The following ENO2 variants were observed in gnomAD, a reference collection of about 807,000 sequenced individuals.
The protein encoded by ENO2 is enolase 2, also known as gamma-enolase.
In ENO2, 19 loss-of-function variants were observed where a neutral mutation model predicts 48.7. That is an observed-to-expected ratio of 0.39 (90% CI 0.27 to 0.57). The LOEUF is 0.57. ENO2 is among the 20% of genes least tolerant of loss of function. ENO2 has a pLI of 0.58. For missense variants in ENO2, 416 were observed against 555.0 expected, an observed-to-expected ratio of 0.75 and a Z score of 2.52; for synonymous variants, 198 against 213.4, an observed-to-expected ratio of 0.93 and a Z score of 0.63.
rs920696114 is a variant in ENO2 at position 6,918,029 on chromosome 12, T to G, written c.534T>G (p.Phe178Leu). The G allele has an allele frequency of 3.1e-6, 5 of 1,614,150 alleles. No homozygotes were observed. The highest frequency in any genetic ancestry group is 1.6e-4 in the Middle Eastern group (1 of 6,062). ...TCCTCCCAGTGGGAGCTGAGAGCTT[T>G]CGGGATGCCATGCGACTAGGTGCAG... ...FMILPVGAES[F>L]RDAMRLGAEV... Residue 178 changes from phenylalanine to leucine, a missense_variant, in exon 7 of 12, where the codon TTT becomes TTG. Phe to Leu is a conservative substitution (Grantham distance 22). Coordinates refer to ENST00000229277, the MANE Select transcript of ENO2 (RefSeq NM_001975.3).
intron 8 of ENO2, among the ~76,000 whole-genome samples, chr12:6,921,068 T>C (rs959930074): frequency 8.6e-5 from 13 of 151,884 alleles, no homozygotes; most frequent in African/African-American, 3.1e-4. Context: ...CATGAGCCAC[T>C]GTGCCTGGCC....
Position 6,922,521 on chromosome 12 carries a change from C to T in ENO2, c.1235+119C>T. On this transcript the variant is annotated intron_variant, in intron 11 of 11. Transcript: ENST00000229277. The surrounding 1 kb of genome is among the most constrained non-coding windows in gnomAD (Gnocchi z 5.3). ...GTCCATTTCCTGGATAACAGTCCAA[C>T]AGATAATATTGGTTTTTGCTTCCTG... 4 of 1,403,054 alleles carry T rather than the reference C, an allele frequency of 2.9e-6. No homozygotes were observed. Among genetic ancestry groups the T allele is most frequent in the Non-Finnish European group, 4.0e-6 (4 of 994,918 alleles). The allele number at this position is 1,403,054 out of a possible 1,614,324, so 86.9% of individuals were successfully genotyped here.
rs902715461 is a variant in ENO2, at chr12:6,914,901, C to T, written c.-13+242C>T. 6.6e-6 allele frequency among the ~76,000 whole-genome samples: 1 copy of T among 152,228 alleles called. No homozygotes were observed. The highest frequency in any genetic ancestry group is 2.4e-5 in the African/African-American group (1 of 41,454). On this transcript the variant is annotated intron_variant, in intron 1 of 11. Transcript: ENST00000229277. The surrounding 1 kb of genome is among the most constrained non-coding windows in gnomAD (Gnocchi z 7.1). ...CGCCTCTCCACCCTTGCCTGCCTCT[C>T]TCCCGGTGCTCGCCCTCATCTACGG... is the stretch of plus-strand genomic sequence containing the variant.
In ENO2 at chr12:6,917,677, A is replaced by T; in HGVS notation, c.407A>T (p.Gln136Leu). 9 of 1,453,432 alleles carry T rather than the reference A, an allele frequency of 6.2e-6. No individual in the cohort carries two copies. The highest frequency in any genetic ancestry group is 8.3e-6 in the Non-Finnish European group (9 of 1,077,980). The allele number at this position is 1,453,432 out of a possible 1,614,324, so 90.0% of individuals were successfully genotyped here. ...CTGCCCCTGTATCGCCACATTGCTC[A>T]GCTGGCCGGGAACTCAGACCTCATC... The part of the protein sequence containing the change: ...RELPLYRHIA[Q>L]LAGNSDLILP... Residue 136 changes from glutamine (Q) to leucine (L), a missense_variant, in exon 6 of 12, where the codon CAG becomes CTG. Transcript: ENST00000229277.
rs77459460 is a variant in ENO2 at position 6,917,729 on chromosome 12, A to AG, written c.444+16dup. 1 allele frequency: 1,610,109 copies of AG among 1,610,548 alleles called. 804,836 individuals are homozygous for AG. Among genetic ancestry groups the AG allele is most frequent in the Middle Eastern group, 1 (5,616 of 5,616 alleles). Reference sequence around the variant, plus strand: ...TGCCTGTGCCGGTGAGCAATAAGCCAGCCTGCGGCTCTCCCAGGGGCGGGT... The same window carrying AG: ...TGCCTGTGCCGGTGAGCAATAAGCCAGGCCTGCGGCTCTCCCAGGGGCGGGT... On this transcript the variant is annotated intron_variant, in intron 6 of 11. Coordinates refer to ENST00000229277, the MANE Select transcript of ENO2 (RefSeq NM_001975.3).
chr12:6,919,921 G>A (rs781989421), intron 8 of ENO2, among the ~76,000 whole-genome samples, 158 bp downstream of exon 8: 1 of 152,212 alleles, frequency 6.6e-6, no homozygotes, highest in African/African-American at 2.4e-5. Context: ...TGCAAAGACT[G>A]GGCTTTGTAT....
chr12:6,916,453 C>T lies in ENO2; in HGVS notation c.122C>T (p.Thr41Met), dbSNP rs781911082. Residue 41 changes from threonine (T) to methionine (M), a missense_variant, in exon 3 of 12, where the codon ACG becomes ATG. Physicochemically the swap from Thr to Met is moderately conservative, Grantham distance 81. Coordinates refer to ENST00000229277, the MANE Select transcript of ENO2 (RefSeq NM_001975.3). This position sits in a 1 kb window ranked among gnomAD's most constrained non-coding sequence, Gnocchi z 4.5. ...GCTGCAGTGCCCAGTGGAGCCTCTA[C>T]GGGCATCTATGAGGCCCTGGAGCTG... ...FRAAVPSGAS[T>M]GIYEALELRD... The T allele has an allele frequency of 8.1e-6, 13 of 1,613,890 alleles. No individual in the cohort carries two copies. In the Admixed American group the frequency reaches 8.3e-5, roughly 10 times the overall value.
Position 6,922,009 on chromosome 12 carries a change from A to T in ENO2, c.1068-47A>T, listed in dbSNP as rs782775552. Reference sequence around the variant, plus strand: ...AGACCAAGGTTGGGGCTGGGAAGAGAGTGCCCAGTGTGAGAGCTGGAGAAT... The same window carrying T: ...AGACCAAGGTTGGGGCTGGGAAGAGTGTGCCCAGTGTGAGAGCTGGAGAAT... On this transcript the variant is annotated intron_variant, in intron 9 of 11. Transcript: ENST00000229277. The surrounding 1 kb of genome is among the most constrained non-coding windows in gnomAD (Gnocchi z 5.3). 4 of 1,608,036 alleles carry T rather than the reference A, an allele frequency of 2.5e-6. No individual in the cohort carries two copies. In the Admixed American group the frequency reaches 6.7e-5, roughly 27 times the overall value.
intron 5 of ENO2, chr12:6,917,375 C>A: frequency 1.4e-6 from 1 of 740,468 alleles, no homozygotes; most frequent in Non-Finnish European, 2.1e-6. Context: ...AGAGGTGTGG[C>A]TCTCTGCCGT....
intron 5 of ENO2, 142 bp downstream of exon 5, chr12:6,917,249 A>C (rs1282712981): frequency 8.5e-6 from 9 of 1,056,038 alleles, no homozygotes; most frequent in South Asian, 6.1e-5. Flanking sequence ...GAGCAAGGGG[A>C]GATGAGTTTA....
Position 6,919,562 on chromosome 12 carries a change from C to G in ENO2, c.668-4C>G. 1.2e-6 allele frequency: 2 copies of G among 1,614,012 alleles called. No individual in the cohort carries two copies. Among genetic ancestry groups the G allele is most frequent in the Non-Finnish European group, 1.7e-6 (2 of 1,179,996 alleles). On this transcript the variant is annotated splice_polypyrimidine_tract_variant and splice_region_variant and intron_variant, in intron 7 of 11. Transcript: ENST00000229277. The stretch of plus-strand genomic sequence containing the variant: ...ACTATAATCTCACTGTATTCTGTCC[C>G]CAGCCTTGGAGCTGGTGAAGGAAGC...
Position 6,916,640 on chromosome 12 carries a change from C to T in ENO2, c.182-31C>T, listed in dbSNP as rs1384681379. 1 of 1,613,812 alleles carries T rather than the reference C, an allele frequency of 6.2e-7. No individual in the cohort carries two copies. Among genetic ancestry groups the T allele is most frequent in the Non-Finnish European group, 8.5e-7 (1 of 1,179,820 alleles). The stretch of plus-strand genomic sequence containing the variant: ...TTGATCCCTTCCGGCCCCTCCTGGC[C>T]CGACCCAGTCCAGCCTCTTCCTTTC... On this transcript the variant is annotated intron_variant, in intron 3 of 11. Transcript: ENST00000229277. The surrounding 1 kb of genome is among the most constrained non-coding windows in gnomAD (Gnocchi z 4.5).
rs1429887739 is a variant in ENO2, at chr12:6,921,761, C to T, written c.1046C>T (p.Ser349Leu). ...CTGCTCAAGGTCAACCAGATCGGCTCGGTCACTGAAGCCATCCAAGCGTGA... is the reference window on the plus strand; with the variant it reads ...CTGCTCAAGGTCAACCAGATCGGCTTGGTCACTGAAGCCATCCAAGCGTGA... ...CLLLKVNQIG[S>L]VTEAIQACKL... Residue 349 changes from serine (S) to leucine (L), a missense_variant, in exon 9 of 12, where the codon TCG (serine) becomes TTG (leucine). Transcript: ENST00000229277. 5.0e-6 allele frequency: 8 copies of T among 1,613,980 alleles called. No homozygotes were observed. Among genetic ancestry groups the T allele is most frequent in the African/African-American group, 1.3e-5 (1 of 74,908 alleles).
intron 8 of ENO2, among the ~76,000 whole-genome samples, chr12:6,920,151 A>T (rs11832599): frequency 0.051 from 7,767 of 152,136 alleles, 577 homozygotes; most frequent in East Asian, 0.22. Flanking sequence ...TGTGAGTAGA[A>T]AGAAGGCTGA....
At chr12:6,919,480 C>T (rs1945321001) in intron 7 of ENO2, 86 bp from the exon 8 acceptor site, 3 of 1,475,060 alleles carry the variant, frequency 2.0e-6, no homozygotes, top group Admixed American at 3.7e-5. Flanking sequence ...AGCCCTCCAC[C>T]TCTGCCCTGA....
intron 8 of ENO2, 71 bp downstream of exon 8, chr12:6,919,834 TG>T: frequency 6.5e-7 from 1 of 1,546,864 alleles, no homozygotes; most frequent in Non-Finnish European, 8.8e-7. Context: ...CTGGACCTTA[TG>T]GGGTGCTGAC....
intron 6 of ENO2, 52 bp downstream of exon 6, chr12:6,917,766 C>A (rs1360332963): frequency 1.3e-6 from 2 of 1,563,588 alleles, no homozygotes; most frequent in Non-Finnish European, 1.8e-6. Flanking sequence ...GGGGAGGGAG[C>A]ATGCAACTCA....
rs1945295805 is a variant in ENO2, at chr12:6,916,802, G to A, written c.240+73G>A. On this transcript the variant is annotated intron_variant, in intron 4 of 11. Transcript: ENST00000229277. The surrounding 1 kb of genome is among the most constrained non-coding windows in gnomAD (Gnocchi z 4.5). ...GAATCCCGGAGCAGGGCAGGAGGAA[G>A]GGAAGAAAGAAGGCCCACTCTTAGG... 2.5e-6 allele frequency: 4 copies of A among 1,588,934 alleles called. No individual in the cohort carries two copies. Among genetic ancestry groups the A allele is most frequent in the South Asian group, 2.2e-5 (2 of 89,956 alleles).
In ENO2 at chr12:6,916,058, T is replaced by G; in HGVS notation, c.85+141T>G. On this transcript the variant is annotated intron_variant, in intron 2 of 11. Coordinates refer to ENST00000229277, the MANE Select transcript of ENO2 (RefSeq NM_001975.3). The surrounding 1 kb of genome is among the most constrained non-coding windows in gnomAD (Gnocchi z 4.5). ...GCTCACAAGCCTGGGTTGTGGCGGT[T>G]GGATCCTCCTTGTCCGGGGAGCCAG... The G allele has an allele frequency of 1.2e-6, 1 of 838,510 alleles. No individual in the cohort carries two copies. Among genetic ancestry groups the G allele is most frequent in the Non-Finnish European group, 1.9e-6 (1 of 527,960 alleles). The allele number at this position is 838,510 out of a possible 1,614,324, so 51.9% of individuals were successfully genotyped here. A position where few individuals can be genotyped will look rare whatever the true frequency, so the allele number is the denominator to read the frequency against.
Sources: gnomAD v4.1 joint callset for allele counts (sites outside exome capture counted in the v4.1 genomes callset) on GRCh38, gnomAD v4.1.1 for gene constraint, Gnocchi (gnomAD v3.1) non-coding constraint, MANE v1.5 for transcripts, NCBI Gene and HGNC (gene_info 2026-07-23, HGNC 2026-07-21) for gene names.